The following STIP1 variants were observed in gnomAD, a reference collection of about 807,000 sequenced individuals.
STIP1 encodes stress-induced-phosphoprotein 1.
STIP1 carries 16 observed loss-of-function variants against 77.4 expected under a neutral mutation model. That is an observed-to-expected ratio of 0.21 (90% CI 0.14 to 0.31). The LOEUF is 0.31. Among genes scored for constraint, STIP1 ranks in the 10% least tolerant of loss-of-function variants. The pLI is 1.00. For missense variants in STIP1, 524 were observed against 684.8 expected (o/e 0.77, Z 2.62); for synonymous variants, 258 against 246.6 (o/e 1.05, Z -0.44).
chr11:64,203,418 C>G, intron 12 of STIP1, 32 bp from the exon 13 acceptor site: 1 of 1,613,094 alleles, frequency 6.2e-7, no homozygotes, highest in Non-Finnish European at 8.5e-7. Context: ...GTGGTCCTAA[C>G]ACGCTTCACC....
intron 1 of STIP1, among the ~76,000 whole-genome samples, chr11:64,188,084 C>T (rs139831845): frequency 7.7e-6 from 1 of 129,870 alleles, no homozygotes; most frequent in African/African-American, 2.9e-5. Context: ...CAGTGGCTCA[C>T]GCTTATAATC....
chr11:64,191,872 C>T (rs1463311068), intron 1 of STIP1, among the ~76,000 whole-genome samples: 2 of 151,998 alleles, frequency 1.3e-5, no homozygotes, highest in Non-Finnish European at 2.9e-5. Flanking sequence ...TGCACAGTGG[C>T]CCAACAGAGG....
Position 64,199,018 on chromosome 11 carries a change from T to C in STIP1, c.1024-922T>C, listed in dbSNP as rs1290951231. Among the ~76,000 whole-genome samples the C allele has an allele frequency of 2.0e-5, 3 of 147,824 alleles. No individual in the cohort carries two copies. The Admixed American group carries it at 2.0e-4, about 10-fold the overall frequency. ...TTCAAGACCAGCCTGGCCAGGATGGTGAAACCCCGTCTCTACTAAAAATAC... is the reference window on the plus strand; with the variant it reads ...TTCAAGACCAGCCTGGCCAGGATGGCGAAACCCCGTCTCTACTAAAAATAC... On this transcript the variant is annotated intron_variant, in intron 8 of 13. Coordinates refer to ENST00000305218, the MANE Select transcript of STIP1 (RefSeq NM_006819.3).
intron 1 of STIP1, among the ~76,000 whole-genome samples, chr11:64,190,370 T>G (rs1183099915): frequency 6.6e-6 from 1 of 151,822 alleles, no homozygotes; most frequent in African/African-American, 2.4e-5. Flanking sequence ...AGAGACGGGG[T>G]TTCTCCATGT....
intron 1 of STIP1, among the ~76,000 whole-genome samples, chr11:64,186,865 T>C (rs1946027685): frequency 6.6e-6 from 1 of 151,776 alleles, no homozygotes; most frequent in Non-Finnish European, 1.5e-5. Flanking sequence ...TGAGCGGGGG[T>C]CTGAGGAGCG....
intron 5 of STIP1, among the ~76,000 whole-genome samples, chr11:64,196,395 C>CA (rs57497154): frequency 0.21 from 14,813 of 69,154 alleles, 1,426 homozygotes; most frequent in Admixed American, 0.31. Flanking sequence ...GACTCCATCT[C>CA]AAAAAAAAAA....
Position 64,194,294 on chromosome 11 carries a change from A to C in STIP1, c.325A>C (p.Lys109Gln). 3.7e-6 allele frequency: 6 copies of C among 1,614,124 alleles called. No homozygotes were observed. The highest frequency in any genetic ancestry group is 1.3e-5 in the African/African-American group (1 of 75,038). The change falls in exon 3 of 14, where the codon AAA becomes CAA. Residue 109 changes from lysine (K) to glutamine (Q), a missense_variant. Physicochemically the swap from Lys to Gln is moderately conservative, Grantham distance 53. Coordinates refer to ENST00000305218, the MANE Select transcript of STIP1 (RefSeq NM_006819.3). ...LKHEANNPQL[K>Q]EGLQNMEARL... ...ACACGAGGCAAATAACCCTCAACTG[A>C]AAGAGGGTTTACAGAATATGGAGGC... is the stretch of plus-strand genomic sequence containing the variant.
chr11:64,193,485 A>G, intron 2 of STIP1, 198 bp downstream of exon 2: 8 of 594,742 alleles, frequency 1.3e-5, no homozygotes, highest in East Asian at 1.2e-4. Flanking sequence ...TTTTGGTACT[A>G]AGAAGGAAGA....
chr11:64,196,901 G>A (rs1316151136), intron 5 of STIP1: 1 of 205,598 alleles, frequency 4.9e-6, no homozygotes, highest in Non-Finnish European at 1.0e-5. Flanking sequence ...AAGACCCTGA[G>A]GCAACCACAA....
chr11:64,195,081 C>A (rs778524429), intron 4 of STIP1, among the ~76,000 whole-genome samples: 1 of 152,174 alleles, frequency 6.6e-6, no homozygotes, highest in Non-Finnish European at 1.5e-5. Context: ...GAGGAATAAA[C>A]TTGACCTCTG....
At chr11:64,189,562 C>CTT (rs567859659) in intron 1 of STIP1, among the ~76,000 whole-genome samples, 2 of 148,284 alleles carry the variant, frequency 1.3e-5, no homozygotes, top group African/African-American at 2.5e-5. Context: ...AATGTTCAGG[C>CTT]TTTTTTTTTT....
At position 64,195,846 on chromosome 11, in the gene STIP1, T is replaced by C. The variant is rs146205070; in HGVS notation, c.672+33T>C. 39 of 1,613,270 alleles carry C rather than the reference T, an allele frequency of 2.4e-5. No individual in the cohort carries two copies. The African/African-American group carries it at 4.4e-4, about 18-fold the overall frequency. Reference sequence around the variant, plus strand: ...TTTTTTCTCTCCTCACTGTCACCTATCTATAAACAACTAGAAATCTTTATG... The same window carrying C: ...TTTTTTCTCTCCTCACTGTCACCTACCTATAAACAACTAGAAATCTTTATG... On this transcript the variant is annotated intron_variant, in intron 5 of 13. Coordinates refer to ENST00000305218, the MANE Select transcript of STIP1 (RefSeq NM_006819.3).
intron 1 of STIP1, among the ~76,000 whole-genome samples, chr11:64,191,468 T>C (rs1197598405): frequency 1.3e-5 from 2 of 151,672 alleles, no homozygotes; most frequent in African/African-American, 2.4e-5. Context: ...TAGCTGGGCG[T>C]GGTGGCGGGT....
At chr11:64,194,752 A>T in intron 4 of STIP1, 132 bp downstream of exon 4, 1 of 1,145,250 alleles carries the variant, frequency 8.7e-7, no homozygotes, top group South Asian at 1.7e-5. Context: ...GCAGAGCAGT[A>T]GGTGGTGGTC....
rs1156902382 is a variant in STIP1 at position 64,203,174 on chromosome 11, C to T, written c.1332C>T (p.Tyr444=). 2.5e-6 allele frequency: 4 copies of T among 1,614,244 alleles called. No homozygotes were observed. The highest frequency in any genetic ancestry group is 2.2e-5 in the East Asian group (1 of 44,888). The change falls in exon 12 of 14, where the codon TAC becomes TAT. Residue 444 remains tyrosine (Y), a synonymous_variant. Transcript: ENST00000305218. ...CTGCGCTGGAAGCGATGAAGGACTACACCAAAGCCATGGATGTGTACCAGA... is the reference window on the plus strand; with the variant it reads ...CTGCGCTGGAAGCGATGAAGGACTATACCAAAGCCATGGATGTGTACCAGA... The part of the protein sequence containing the change: ...KAAALEAMKD[Y]TKAMDVYQKA...
chr11:64,188,280 G>A (rs1402969883), intron 1 of STIP1, among the ~76,000 whole-genome samples: 1 of 150,154 alleles, frequency 6.7e-6, no homozygotes, highest in Non-Finnish European at 1.5e-5. Flanking sequence ...GGAGGCGTAG[G>A]TTGCAGTGAG....
At chr11:64,202,802 C>T in intron 10 of STIP1, 74 bp from the exon 11 acceptor site, 22 of 1,566,692 alleles carry the variant, frequency 1.4e-5, no homozygotes, top group Non-Finnish European at 1.9e-5. Context: ...AGTTGGAAGT[C>T]CACATGCTTG....
intron 10 of STIP1, among the ~76,000 whole-genome samples, chr11:64,201,104 A>G (rs113854899): frequency 0.11 from 16,662 of 151,424 alleles, 1,153 homozygotes; most frequent in Non-Finnish European, 0.16. Context: ...CAGTGGCACA[A>G]TCTCAGCTCA....
In STIP1 at chr11:64,193,198, C is replaced by T; in HGVS notation, c.130C>T (p.Arg44Cys). 6.2e-7 allele frequency: 1 copy of T among 1,614,204 alleles called. No homozygotes were observed. The highest frequency in any genetic ancestry group is 8.5e-7 in the Non-Finnish European group (1 of 1,180,052). Residue 44 changes from arginine to cysteine, a missense_variant, in exon 2 of 14, where the codon CGT becomes TGT. Coordinates refer to ENST00000305218, the MANE Select transcript of STIP1 (RefSeq NM_006819.3). ...CCACAACCACGTGCTGTACAGCAAC[C>T]GTTCTGCTGCCTATGCCAAGAAAGG... is the stretch of plus-strand genomic sequence containing the variant. ...DPHNHVLYSN[R>C]SAAYAKKGDY...
Sources: gnomAD v4.1 joint callset for allele counts (sites outside exome capture counted in the v4.1 genomes callset) on GRCh38, gnomAD v4.1.1 for gene constraint, MANE v1.5 for transcripts, NCBI Gene and HGNC (gene_info 2026-07-23, HGNC 2026-07-21) for gene names.